TDRD9: variants seen among roughly 807,000 people sequenced by gnomAD.
TDRD9 encodes the protein tudor domain containing 9, also known as ATP-dependent RNA helicase TDRD9.
Under a neutral mutation model 172.6 loss-of-function variants are expected in TDRD9, and 124 were observed. That is an observed-to-expected ratio of 0.72 (90% CI 0.62 to 0.83). The LOEUF is 0.83. Ranked by LOEUF, TDRD9 falls within the 40% of genes least tolerant of loss-of-function variation. TDRD9 has a pLI of 0.00. For missense variants in TDRD9, 1,479 were observed against 1,714.1 expected, an observed-to-expected ratio of 0.86 and a Z score of 2.42; for synonymous variants, 619 against 617.1, an observed-to-expected ratio of 1.00 and a Z score of -0.05.
intron 2 of TDRD9, among the ~76,000 whole-genome samples, chr14:103,959,198 G>A (rs1016095666): frequency 9.9e-5 from 15 of 152,058 alleles, no homozygotes; most frequent in South Asian, 2.1e-4. Flanking sequence ...AGGACAAACC[G>A]GACAGGAATT....
rs750859218 is a variant in TDRD9 at position 104,042,176 on chromosome 14, G to A, written c.3963G>A (p.Gln1321=). The part of the protein sequence containing the change: ...RVAQLQDIAR[Q]KLLGLFCQSK... ...CGCAGCTTCAAGACATTGCCCGTCA[G>A]AAGCTTTTAGGGTAAGCTGTGTGAT... The change falls in exon 34 of 36, where the codon CAG becomes CAA. Residue 1321 remains glutamine, a synonymous_variant. Coordinates refer to ENST00000409874, the MANE Select transcript of TDRD9 (RefSeq NM_153046.3). 2 of 1,611,550 alleles carry A rather than the reference G, an allele frequency of 1.2e-6. No individual in the cohort carries two copies. Among genetic ancestry groups the A allele is most frequent in the South Asian group, 1.1e-5 (1 of 91,002 alleles).
intron 35 of TDRD9, chr14:104,049,951 G>C: frequency 2.5e-6 from 1 of 401,522 alleles, no homozygotes; most frequent in East Asian, 4.1e-5. Flanking sequence ...TGAGGGTCTG[G>C]ATTGAACCTT....
chr14:104,025,991 A>G, intron 26 of TDRD9, 56 bp from the exon 27 acceptor site: 3 of 1,181,496 alleles, frequency 2.5e-6, no homozygotes, highest in Non-Finnish European at 3.8e-6. Flanking sequence ...GCTATTGCTC[A>G]GGTAGGGCAT....
At position 104,006,753 on chromosome 14, in the gene TDRD9, T is replaced by C. The variant is rs924908300; in HGVS notation, c.1944-29T>C. ...TTAAAGTGTCACTGTATTTTAATGG[T>C]ATTGAATGACACTGTTATCTGTTTA... is the stretch of plus-strand genomic sequence containing the variant. On this transcript the variant is annotated intron_variant, in intron 17 of 35. Transcript: ENST00000409874. 4.3e-6 allele frequency: 7 copies of C among 1,612,778 alleles called. No homozygotes were observed. The African/African-American group carries it at 6.7e-5, about 15-fold the overall frequency.
At chr14:103,978,152 A>C (rs2152173709) in intron 7 of TDRD9, among the ~76,000 whole-genome samples, 1 of 151,650 alleles carries the variant, frequency 6.6e-6, no homozygotes, top group East Asian at 1.9e-4. Context: ...TTGGCTTGTG[A>C]GATCTTTTTT....
intron 34 of TDRD9, among the ~76,000 whole-genome samples, chr14:104,042,786 A>T (rs1046943292): frequency 6.6e-6 from 1 of 152,100 alleles, no homozygotes; most frequent in Non-Finnish European, 1.5e-5. Context: ...CTCCCTGGGA[A>T]GGGCCCGGTC....
Position 103,975,467 on chromosome 14 carries a change from C to T in TDRD9, c.925C>T (p.Pro309Ser), listed in dbSNP as rs766862372. 1 of 1,613,684 alleles carries T rather than the reference C, an allele frequency of 6.2e-7. No individual in the cohort carries two copies. The highest frequency in any genetic ancestry group is 1.7e-5 in the Admixed American group (1 of 59,988). Residue 309 changes from proline (P) to serine (S), a missense_variant, in exon 7 of 36, where the codon CCT (proline) becomes TCT (serine). Physicochemically the swap from Pro to Ser is moderately conservative, Grantham distance 74. This residue lies in a region of TDRD9 where 1,413 missense variants were observed against 1,649.1 expected (regional missense o/e 0.86). Transcript: ENST00000409874. ...FAVPVQNKMN[P>S]AYIFEVEGKP... ...TGTTCCTGTTCAAAACAAGATGAAT[C>T]CTGCATATATTTTTGAAGTGGAAGG...
chr14:103,941,328 C>A (rs1003178311), intron 1 of TDRD9: 13 of 1,165,600 alleles, frequency 1.1e-5, no homozygotes, highest in Admixed American at 2.6e-5. Flanking sequence ...AATACAGTTT[C>A]TAGTCAAAAT....
chr14:104,033,096 G>T (rs552772768), intron 30 of TDRD9, among the ~76,000 whole-genome samples: 1 of 152,122 alleles, frequency 6.6e-6, no homozygotes, highest in African/African-American at 2.4e-5. Flanking sequence ...TGTGGTAGAC[G>T]AGGGCAAACT....
chr14:103,941,450 A>C (rs1386616354), intron 1 of TDRD9: 1 of 1,535,308 alleles, frequency 6.5e-7, no homozygotes, highest in African/African-American at 1.4e-5. Context: ...AAAGAACTTC[A>C]AGTTGTCTTT....
chr14:104,009,578 A>G (rs1488539990), intron 20 of TDRD9, among the ~76,000 whole-genome samples: 1 of 152,220 alleles, frequency 6.6e-6, no homozygotes, highest in Non-Finnish European at 1.5e-5. Context: ...CTTGGGCTAC[A>G]CTAAGTTCAT....
chr14:103,975,079 G>A (rs556837753), intron 6 of TDRD9, among the ~76,000 whole-genome samples: 1 of 151,764 alleles, frequency 6.6e-6, no homozygotes, highest in African/African-American at 2.4e-5. Flanking sequence ...TGTTTACCTG[G>A]GCCTTATTCT....
Position 104,024,555 on chromosome 14 carries a change from T to C in TDRD9, c.2607-14T>C, listed in dbSNP as rs1375691455. On this transcript the variant is annotated splice_polypyrimidine_tract_variant and intron_variant, in intron 24 of 35. Coordinates refer to ENST00000409874, the MANE Select transcript of TDRD9 (RefSeq NM_153046.3). ...AACTTGATTTTTATTTTAATAAAAATTCGTATTATGTAGGGTGAATGTGGA... is the reference window on the plus strand; with the variant it reads ...AACTTGATTTTTATTTTAATAAAAACTCGTATTATGTAGGGTGAATGTGGA... 6.1e-6 allele frequency: 9 copies of C among 1,483,250 alleles called. No individual in the cohort carries two copies. The highest frequency in any genetic ancestry group is 1.4e-5 in the African/African-American group (1 of 70,720). The allele number at this position is 1,483,250 out of a possible 1,614,324, so 91.9% of individuals were successfully genotyped here.
At chr14:103,969,829 T>TTGGGGGGGGGGGGGGGGGG (rs2032940438) in intron 5 of TDRD9, among the ~76,000 whole-genome samples, 1 of 8,804 alleles carries the variant, frequency 1.1e-4, no homozygotes, top group Admixed American at 1.6e-3. Flanking sequence ...TGGGGCGGGG[T>TTGGGGGGGGGGGGGGGGGG]GGGGGGGCTG....
chr14:103,980,941 G>A lies in TDRD9; in HGVS notation c.1012-5276G>A, dbSNP rs2033450095. Among the ~76,000 whole-genome samples the A allele has an allele frequency of 6.6e-6, 1 of 152,080 alleles. No homozygotes were observed. The highest frequency in any genetic ancestry group is 2.4e-5 in the African/African-American group (1 of 41,390). ...GCCTGGTTTTTCCTAGGTTATGATT[G>A]TAGAGCGAGAATTATTATAATATTG... is the stretch of plus-strand genomic sequence containing the variant. On this transcript the variant is annotated intron_variant, in intron 7 of 35. Transcript: ENST00000409874. The surrounding 1 kb of genome is among the most constrained non-coding windows in gnomAD (Gnocchi z 4.5).
chr14:104,010,709 C>T (rs188559356), intron 20 of TDRD9, among the ~76,000 whole-genome samples: 2 of 151,986 alleles, frequency 1.3e-5, no homozygotes, highest in African/African-American at 4.8e-5. Flanking sequence ...TTATCAAGTA[C>T]AGTCATCCCT....
At chr14:103,969,829 TG>T (rs1162718825) in intron 5 of TDRD9, among the ~76,000 whole-genome samples, 21 of 8,846 alleles carry the variant, frequency 2.4e-3, no homozygotes, top group African/African-American at 9.2e-3. Flanking sequence ...TGGGGCGGGG[TG>T]GGGGGGCTGT....
At chr14:103,966,256 G>A (rs2032741869) in intron 4 of TDRD9, among the ~76,000 whole-genome samples, 1 of 152,098 alleles carries the variant, frequency 6.6e-6, no homozygotes, top group South Asian at 2.1e-4. Context: ...GCTTGAACCC[G>A]GGAGGCAGAG....
In TDRD9 at chr14:103,999,638, TTTAGAAAACCTTTTGGGAAGGGTAG is replaced by T. The variant is rs2034184933; in HGVS notation, c.1483+911_1483+935del. Among the ~76,000 whole-genome samples, 37 of 127,748 alleles carry T rather than the reference TTTAGAAAACCTTTTGGGAAGGGTAG, an allele frequency of 2.9e-4. 3 individuals carry two copies. Among genetic ancestry groups the T allele is most frequent in the Middle Eastern group, 4.1e-3 (1 of 246 alleles). 83.8% of individuals were successfully genotyped at this position (127,748 alleles called of 152,430 possible). On this transcript the variant is annotated intron_variant, in intron 13 of 35. Coordinates refer to ENST00000409874, the MANE Select transcript of TDRD9 (RefSeq NM_153046.3). The stretch of plus-strand genomic sequence containing the variant: ...AAGTGGCTTTTTTTTTTGTTTGTTT[TTTAGAAAACCTTTTGGGAAGGGTAG>T]ATAAAAGACCATTTCAAGAATACTA...
Sources: gnomAD v4.1 joint callset for allele counts (sites outside exome capture counted in the v4.1 genomes callset) on GRCh38, gnomAD v4.1.1 for gene constraint, gnomAD v4.1.1 regional missense constraint, Gnocchi (gnomAD v3.1) non-coding constraint, MANE v1.5 for transcripts, NCBI Gene and HGNC (gene_info 2026-07-23, HGNC 2026-07-21) for gene names.